Variants in STPG2 observed in about 807,000 individuals in gnomAD.
STPG2 encodes sperm-tail PG-rich repeat-containing protein 2.
STPG2 carries 56 observed loss-of-function variants against 54.2 expected under a neutral mutation model. The observed-to-expected ratio is 1.03, with a 90% confidence interval of 0.83 to 1.29. The LOEUF is 1.29. Among genes scored for constraint, STPG2 ranks in the 50% most tolerant of loss-of-function variants. The pLI is 0.00. For missense variants in STPG2, 596 were observed against 544.9 expected, an observed-to-expected ratio of 1.09 and a Z score of -0.93; for synonymous variants, 200 against 181.8, an observed-to-expected ratio of 1.10 and a Z score of -0.81.
chr4:97,960,593 TAC>T (rs1733847656), intron 7 of STPG2, among the ~76,000 whole-genome samples: 1 of 151,974 alleles, frequency 6.6e-6, no homozygotes. Context: ...TCAAACTTTT[TAC>T]AATAGCTTCA....
chr4:97,655,542 T>A (rs1249742887), intron 10 of STPG2, among the ~76,000 whole-genome samples: 1 of 152,024 alleles, frequency 6.6e-6, no homozygotes, highest in Admixed American at 6.6e-5. Context: ...CTATTTTGGA[T>A]GAAGAGATGA....
chr4:97,704,958 C>A, intron 10 of STPG2, among the ~76,000 whole-genome samples: 1 of 151,928 alleles, frequency 6.6e-6, no homozygotes, highest in East Asian at 1.9e-4. Flanking sequence ...GAAAAAATAT[C>A]TTAAAATATT....
intron 10 of STPG2, among the ~76,000 whole-genome samples, chr4:97,639,026 C>G (rs1348157166): frequency 6.6e-6 from 1 of 151,972 alleles, no homozygotes; most frequent in Non-Finnish European, 1.5e-5. Flanking sequence ...AATCATGCTG[C>G]TATAAAGACA....
chr4:97,479,380 C>T (rs1276714678), intron 4 of STPG2, among the ~76,000 whole-genome samples: 3 of 151,914 alleles, frequency 2.0e-5, no homozygotes, highest in Non-Finnish European at 4.4e-5. Flanking sequence ...CACCAAAATG[C>T]ACCAGACTAT....
At chr4:97,921,702 G>T (rs1323822822) in intron 8 of STPG2, among the ~76,000 whole-genome samples, 1 of 152,118 alleles carries the variant, frequency 6.6e-6, no homozygotes, top group African/African-American at 2.4e-5. Context: ...AGAAAAAAAG[G>T]ATAGAAAAGT....
intron 9 of STPG2, among the ~76,000 whole-genome samples, chr4:97,778,684 T>A (rs1726478921): frequency 6.6e-6 from 1 of 152,126 alleles, no homozygotes; most frequent in Non-Finnish European, 1.5e-5. Context: ...GCACCCCCAG[T>A]AGGCGCAGAC....
intron 9 of STPG2, among the ~76,000 whole-genome samples, chr4:97,763,796 G>GCAAT (rs1264870608): frequency 6.6e-6 from 1 of 152,076 alleles, no homozygotes; most frequent in African/African-American, 2.4e-5. Flanking sequence ...CTTATCAATA[G>GCAAT]CAATCAGTAT....
At chr4:98,072,570 T>TTAAAATAAAATAAAATAAAATAAAATAA (rs1553939178) in intron 5 of STPG2, among the ~76,000 whole-genome samples, 2 of 144,880 alleles carry the variant, frequency 1.4e-5, no homozygotes, top group African/African-American at 5.3e-5. Context: ...GAAGGGAAAA[T>TTAAAATAAAATAAAATAAAATAAAATAA]AATAAAATAA....
intron 4 of STPG2, among the ~76,000 whole-genome samples, chr4:97,533,791 C>T (rs772546344): frequency 1.8e-4 from 28 of 151,950 alleles, no homozygotes; most frequent in Non-Finnish European, 3.2e-4. Flanking sequence ...TTTTTGTTGA[C>T]ATACATTTGG....
intron 10 of STPG2, among the ~76,000 whole-genome samples, chr4:97,686,938 A>T (rs868466911): frequency 0.012 from 1,745 of 146,958 alleles, 38 homozygotes; most frequent in African/African-American, 0.039. Flanking sequence ...TATTATTATT[A>T]TTATTTTTTT....
chr4:97,866,609 G>A (rs771334007), intron 8 of STPG2, among the ~76,000 whole-genome samples: 2 of 151,872 alleles, frequency 1.3e-5, no homozygotes, highest in Non-Finnish European at 2.9e-5. Flanking sequence ...AAATTGTGAT[G>A]TTGAGCTAAT....
intron 5 of STPG2, among the ~76,000 whole-genome samples, chr4:98,043,106 GT>G (rs58714514): frequency 6.6e-6 from 1 of 151,872 alleles, no homozygotes; most frequent in African/African-American, 2.4e-5. Context: ...TCTAAAGATA[GT>G]TTTTTTACTA....
chr4:97,998,626 T>C (rs1451497197), intron 5 of STPG2, among the ~76,000 whole-genome samples: 1 of 152,186 alleles, frequency 6.6e-6, no homozygotes, highest in African/African-American at 2.4e-5. Context: ...AAACTACTAA[T>C]TAATATTATT....
At chr4:97,995,391 G>C in intron 5 of STPG2, among the ~76,000 whole-genome samples, 1 of 152,010 alleles carries the variant, frequency 6.6e-6, no homozygotes, top group East Asian at 1.9e-4. Context: ...TGGAGGAAAA[G>C]TATACAATGT....
At chr4:97,885,700 A>G (rs564178053) in intron 8 of STPG2, among the ~76,000 whole-genome samples, 1 of 152,202 alleles carries the variant, frequency 6.6e-6, no homozygotes, top group Non-Finnish European at 1.5e-5. Flanking sequence ...CCACAAATAC[A>G]ATGGGCCAGC....
intron 9 of STPG2, among the ~76,000 whole-genome samples, chr4:97,773,851 T>A (rs1726290698): frequency 6.6e-6 from 1 of 151,998 alleles, no homozygotes; most frequent in Admixed American, 6.6e-5. Context: ...ACAAATAAAC[T>A]ATTAAAAATA....
At chr4:97,994,078 G>T (rs1735115948) in intron 5 of STPG2, among the ~76,000 whole-genome samples, 1 of 151,640 alleles carries the variant, frequency 6.6e-6, no homozygotes, top group Non-Finnish European at 1.5e-5. Flanking sequence ...TGTTGTTGTT[G>T]TTGTTGTTTC....
intron 7 of STPG2, among the ~76,000 whole-genome samples, chr4:97,953,824 A>G (rs1560607541): frequency 6.6e-6 from 1 of 152,206 alleles, no homozygotes; most frequent in Non-Finnish European, 1.5e-5. Context: ...CACTTCTTTC[A>G]AAGGGTCTGT....
chr4:97,674,283 A>G (rs907641977), intron 10 of STPG2, among the ~76,000 whole-genome samples: 1 of 151,124 alleles, frequency 6.6e-6, no homozygotes, highest in Non-Finnish European at 1.5e-5. Flanking sequence ...TACTGAAAAA[A>G]GAGAAGAAAA....
Sources: gnomAD v4.1 joint callset for allele counts (sites outside exome capture counted in the v4.1 genomes callset) on GRCh38, gnomAD v4.1.1 for gene constraint, MANE v1.5 for transcripts, NCBI Gene and HGNC (gene_info 2026-07-23, HGNC 2026-07-21) for gene names.